Variants in RARA observed in about 807,000 individuals in gnomAD.
The protein encoded by RARA is PML-DDX5-RARA fusion.
In RARA, 5 loss-of-function variants were observed where a neutral mutation model predicts 42.8. The observed-to-expected ratio is 0.12, with a 90% CI of 0.06 to 0.25. RARA has a LOEUF of 0.25. Ranked by LOEUF, RARA falls within the 10% of genes least tolerant of loss-of-function variation. The pLI is 1.00. For missense variants in RARA, 402 were observed against 628.7 expected (o/e 0.64, Z 3.86); for synonymous variants, 256 against 259.5 (o/e 0.99, Z 0.13).
chr17:40,351,628 G>T lies in RARA; in HGVS notation c.470-282G>T. The T allele has an allele frequency of 1.9e-6, 1 of 522,612 alleles. No individual in the cohort carries two copies. The highest frequency in any genetic ancestry group is 1.9e-5 in the South Asian group (1 of 53,774). The allele number at this position is 522,612 out of a possible 1,614,324, so 32.4% of individuals were successfully genotyped here. On this transcript the variant is annotated intron_variant, in intron 4 of 8. Coordinates refer to ENST00000254066, the MANE Select transcript of RARA (RefSeq NM_000964.4). The surrounding 1 kb of genome is among the most constrained non-coding windows in gnomAD (Gnocchi z 4.1). The stretch of plus-strand genomic sequence containing the variant: ...GGAGTGTGAGCTGGAGTAGACGCGT[G>T]GGGGATAGCATGCGGCTGGCTATGG...
At chr17:40,347,305 C>A (rs1266260484) in intron 2 of RARA, among the ~76,000 whole-genome samples, 1 of 152,170 alleles carries the variant, frequency 6.6e-6, no homozygotes, top group Non-Finnish European at 1.5e-5. Context: ...GACGATGCTG[C>A]GTGGCCCCTT....
chr17:40,331,499 C>A, intron 2 of RARA, 103 bp downstream of exon 2: 1 of 1,329,602 alleles, frequency 7.5e-7, no homozygotes, highest in Non-Finnish European at 1.0e-6. Flanking sequence ...GTGGAAGGCA[C>A]GGTGAGCGAC....
At chr17:40,321,748 C>G (rs768610347) in intron 1 of RARA, among the ~76,000 whole-genome samples, 1 of 152,226 alleles carries the variant, frequency 6.6e-6, no homozygotes, top group Non-Finnish European at 1.5e-5. Context: ...GTTGCCAACC[C>G]CAGCCCTATA....
chr17:40,315,132 G>GTGTATATA (rs1491257905), intron 1 of RARA, among the ~76,000 whole-genome samples: 6 of 64,176 alleles, frequency 9.3e-5, no homozygotes, highest in East Asian at 5.1e-4. Flanking sequence ...GCTTATATGT[G>GTGTATATA]TATATATATA....
rs566149443 is a variant in RARA at position 40,325,761 on chromosome 17, C to T, written c.-362-5096C>T. ...CCCAGTCTCCCCTTCTTTTAAGCTC[C>T]CCAATACTTTTCCCCTTCTCTCAGC... On this transcript the variant is annotated intron_variant, in intron 1 of 8. Transcript: ENST00000254066. 2.0e-5 allele frequency among the ~76,000 whole-genome samples: 3 copies of T among 152,254 alleles called. No individual in the cohort carries two copies. The South Asian group carries it at 6.2e-4, about 32-fold the overall frequency.
Position 40,354,439 on chromosome 17 carries a change from G to C in RARA, c.945G>C (p.Gln315His), listed in dbSNP as rs368477125. 6.2e-7 allele frequency: 1 copy of C among 1,614,014 alleles called. No individual in the cohort carries two copies. The highest frequency in any genetic ancestry group is 8.5e-7 in the Non-Finnish European group (1 of 1,180,034). Residue 315 changes from glutamine (Q) to histidine (H), a missense_variant, in exon 7 of 9, where the codon CAG becomes CAC. By Grantham distance (24) the Gln-to-His change is conservative. Around this residue, in one of 5 missense-constraint regions of RARA, gnomAD observed 104 missense variants for 160.1 expected, o/e 0.65. Coordinates refer to ENST00000254066, the MANE Select transcript of RARA (RefSeq NM_000964.4). The surrounding 1 kb of genome is among the most constrained non-coding windows in gnomAD (Gnocchi z 4.5). ...ACCTGGTCTTTGCCTTCGCCAACCA[G>C]CTGCTGCCCCTGGAGATGGATGATG... ...LTDLVFAFANQLLPLEMDDAE... is the reference protein window; with the variant it reads ...LTDLVFAFANHLLPLEMDDAE...
chr17:40,337,512 C>G (rs1311947310), intron 2 of RARA, among the ~76,000 whole-genome samples: 2 of 152,230 alleles, frequency 1.3e-5, no homozygotes, highest in Non-Finnish European at 2.9e-5. Context: ...ATCCCCACCC[C>G]CAAATCTGCC....
rs769064528 is a variant in RARA, at chr17:40,354,499, C to T, written c.1005C>T (p.Ile335=). 1.9e-6 allele frequency: 3 copies of T among 1,554,964 alleles called. No individual in the cohort carries two copies. Among genetic ancestry groups the T allele is most frequent in the Non-Finnish European group, 2.6e-6 (3 of 1,145,310 alleles). Residue 335 remains isoleucine, a synonymous_variant, in exon 7 of 9, where the codon ATC becomes ATT. Transcript: ENST00000254066. This position sits in a 1 kb window ranked among gnomAD's most constrained non-coding sequence, Gnocchi z 4.5. ...GGCTGCTCAGCGCCATCTGCCTCAT[C>T]TGCGGAGGTGGGCAGGGGGCCTGGG... ...ETGLLSAICL[I]CGDRQDLEQP... is the part of the protein sequence containing the mutation.
At chr17:40,319,475 A>G (rs538387983) in intron 1 of RARA, among the ~76,000 whole-genome samples, 2 of 152,048 alleles carry the variant, frequency 1.3e-5, no homozygotes, top group East Asian at 3.9e-4. Flanking sequence ...CTGTGTGCAC[A>G]TATGTGTATG....
intron 2 of RARA, chr17:40,341,216 C>T (rs1315744609): frequency 1.2e-6 from 1 of 810,856 alleles, no homozygotes. Context: ...TTTTATCTCT[C>T]CAGAGCTGGA....
At chr17:40,344,583 A>T (rs983675103) in intron 2 of RARA, among the ~76,000 whole-genome samples, 1 of 152,166 alleles carries the variant, frequency 6.6e-6, no homozygotes, top group African/African-American at 2.4e-5. Flanking sequence ...GGAGGATCAC[A>T]GAGAGTAGGA....
chr17:40,333,458 G>C (rs1025973381), intron 2 of RARA, among the ~76,000 whole-genome samples: 1 of 151,332 alleles, frequency 6.6e-6, no homozygotes, highest in South Asian at 2.1e-4. Context: ...GCCTCATCCC[G>C]AGTAGCTGTG....
At chr17:40,312,615 A>T (rs1253844598) in intron 1 of RARA, among the ~76,000 whole-genome samples, 1 of 152,222 alleles carries the variant, frequency 6.6e-6, no homozygotes, top group Non-Finnish European at 1.5e-5. Flanking sequence ...GAGGGGCAGA[A>T]GACAGCAAGG....
rs71356657 is a variant in RARA, at chr17:40,315,132, GTATATATATATATATATATA to G, written c.-363+5867_-363+5886del. ...TATATATATATATATGCTTATATGT[GTATATATATATATATATATA>G]TATATATATATATATATATACACAC... On this transcript the variant is annotated intron_variant, in intron 1 of 8. Transcript: ENST00000254066. 2.4e-3 allele frequency among the ~76,000 whole-genome samples: 151 copies of G among 64,180 alleles called. 2 individuals are homozygous for G. The highest frequency in any genetic ancestry group is 3.1e-3 in the Non-Finnish European group (114 of 36,370). 42.1% of individuals were successfully genotyped at this position (64,180 alleles called of 152,430 possible). A position where few individuals can be genotyped will look rare whatever the true frequency, so the allele number is the denominator to read the frequency against.
chr17:40,341,490 C>T (rs1277308543), intron 2 of RARA: 1 of 1,501,460 alleles, frequency 6.7e-7, no homozygotes, highest in Admixed American at 2.3e-5. Flanking sequence ...CCCCGCGCGA[C>T]CCGGCCCTAC....
At chr17:40,325,368 A>G (rs1423128793) in intron 1 of RARA, among the ~76,000 whole-genome samples, 1 of 152,150 alleles carries the variant, frequency 6.6e-6, no homozygotes, top group Non-Finnish European at 1.5e-5. Flanking sequence ...AGAGGACCCG[A>G]GTGGCCGGAT....
chr17:40,325,935 A>T (rs2033533412), intron 1 of RARA, among the ~76,000 whole-genome samples: 6 of 152,038 alleles, frequency 3.9e-5, no homozygotes. Flanking sequence ...ATAAGGGAGG[A>T]AATGGTCTAT....
intron 2 of RARA, chr17:40,342,792 C>A (rs1447165112): frequency 6.2e-7 from 1 of 1,612,930 alleles, no homozygotes; most frequent in Non-Finnish European, 8.5e-7. Context: ...CTGTTTGCTC[C>A]CAGAGAAGGG....
At chr17:40,327,511 G>A (rs2033579910) in intron 1 of RARA, among the ~76,000 whole-genome samples, 1 of 152,256 alleles carries the variant, frequency 6.6e-6, no homozygotes, top group Non-Finnish European at 1.5e-5. Context: ...GGCTGTGTGA[G>A]GTTCGGAGAA....
Sources: gnomAD v4.1 joint callset for allele counts (sites outside exome capture counted in the v4.1 genomes callset) on GRCh38, gnomAD v4.1.1 for gene constraint, gnomAD v4.1.1 regional missense constraint, Gnocchi (gnomAD v3.1) non-coding constraint, MANE v1.5 for transcripts, NCBI Gene and HGNC (gene_info 2026-07-23, HGNC 2026-07-21) for gene names.